SVOPL: variants seen among roughly 807,000 people sequenced by gnomAD.
SVOPL encodes putative transporter SVOPL.
SVOPL carries 60 observed loss-of-function variants against 61.0 expected under a neutral mutation model. That is an observed-to-expected ratio of 0.98 (90% CI 0.80 to 1.22). SVOPL has a LOEUF of 1.22. Ranked by LOEUF, SVOPL falls within the 50% of genes most tolerant of loss-of-function variation. The pLI is 0.00. For missense variants in SVOPL, 662 were observed against 643.9 expected (o/e 1.03, Z -0.30); for synonymous variants, 279 against 250.0 (o/e 1.12, Z -1.09).
At chr7:138,660,488 T>C in intron 5 of SVOPL, 1 of 986,076 alleles carries the variant, frequency 1.0e-6, no homozygotes, top group Non-Finnish European at 1.2e-6. Context: ...TTATCTTCTC[T>C]GTTTATGAGA....
At chr7:138,637,491 GATAT>G (rs1201179833) in intron 9 of SVOPL, among the ~76,000 whole-genome samples, 26 of 15,622 alleles carry the variant, frequency 1.7e-3, no homozygotes, top group African/African-American at 4.2e-3. Context: ...GATATAGATA[GATAT>G]ATATATATAT....
At chr7:138,633,712 T>A (rs1215675813) in intron 9 of SVOPL, among the ~76,000 whole-genome samples, 1 of 122,946 alleles carries the variant, frequency 8.1e-6, no homozygotes, top group East Asian at 2.6e-4. Context: ...CAGAAGAAAG[T>A]GAGAATACCT....
chr7:138,697,905 T>C (rs1048210996), intron 1 of SVOPL, among the ~76,000 whole-genome samples: 7 of 151,718 alleles, frequency 4.6e-5, no homozygotes, highest in African/African-American at 1.7e-4. Flanking sequence ...CAAGAGGACA[T>C]GTAAATTATA....
intron 14 of SVOPL, among the ~76,000 whole-genome samples, chr7:138,601,727 T>C (rs1245922609): frequency 6.6e-6 from 1 of 151,842 alleles, no homozygotes; most frequent in Non-Finnish European, 1.5e-5. Context: ...CATCCACTTT[T>C]AAATGTACAC....
At chr7:138,662,107 A>C in intron 5 of SVOPL, 1 of 985,272 alleles carries the variant, frequency 1.0e-6, no homozygotes, top group Middle Eastern at 5.2e-4. Flanking sequence ...AAACTCTCTC[A>C]TTTAAGAGCA....
At chr7:138,632,730 T>G (rs181726546) in intron 9 of SVOPL, among the ~76,000 whole-genome samples, 1,557 of 115,838 alleles carry the variant, frequency 0.013, 27 homozygotes, top group African/African-American at 0.047. Flanking sequence ...GGAGGGAGGA[T>G]GGGGGCGGGA....
At chr7:138,624,633 C>A (rs1344523891) in intron 13 of SVOPL, among the ~76,000 whole-genome samples, 1 of 151,906 alleles carries the variant, frequency 6.6e-6, no homozygotes, top group Non-Finnish European at 1.5e-5. Context: ...ATTGAGATAG[C>A]TGAGATTTTC....
At chr7:138,699,927 C>T (rs1481648094) in intron 1 of SVOPL, among the ~76,000 whole-genome samples, 5 of 152,306 alleles carry the variant, frequency 3.3e-5, no homozygotes, top group Admixed American at 1.3e-4. Context: ...AAGAAACAAA[C>T]GTACAGGTTT....
intron 14 of SVOPL, among the ~76,000 whole-genome samples, chr7:138,611,124 C>T (rs1798979928): frequency 1.3e-5 from 2 of 152,330 alleles, no homozygotes; most frequent in South Asian, 4.1e-4. Context: ...CGCCTGTAAT[C>T]CCAGCACTTT....
chr7:138,597,158 C>A, intron 14 of SVOPL: 1 of 1,288,002 alleles, frequency 7.8e-7, no homozygotes, highest in Non-Finnish European at 1.0e-6. Context: ...CCATCTCATA[C>A]TTTAGTTTCT....
intron 14 of SVOPL, chr7:138,597,156 T>G: frequency 7.8e-7 from 1 of 1,288,174 alleles, no homozygotes; most frequent in Non-Finnish European, 1.0e-6. Flanking sequence ...CTCCATCTCA[T>G]ACTTTAGTTT....
chr7:138,639,496 G>A (rs747637572), intron 9 of SVOPL, among the ~76,000 whole-genome samples: 40 of 148,744 alleles, frequency 2.7e-4, no homozygotes, highest in South Asian at 6.4e-4. Context: ...GCGTGGTGGC[G>A]GGTGCCTGTA....
chr7:138,645,239 A>AG (rs1801037075), intron 8 of SVOPL, among the ~76,000 whole-genome samples: 1 of 152,012 alleles, frequency 6.6e-6, no homozygotes, highest in South Asian at 2.1e-4. Flanking sequence ...TGACAGGAAC[A>AG]GGGGGCTCCA....
intron 9 of SVOPL, among the ~76,000 whole-genome samples, chr7:138,631,787 T>G (rs1800203903): frequency 6.6e-6 from 1 of 152,106 alleles, no homozygotes; most frequent in Non-Finnish European, 1.5e-5. Flanking sequence ...CAGGCTGGTC[T>G]CAAACTCCTG....
intron 14 of SVOPL, among the ~76,000 whole-genome samples, chr7:138,620,465 A>G (rs1799514759): frequency 1.4e-5 from 2 of 147,768 alleles, no homozygotes; most frequent in African/African-American, 2.5e-5. Flanking sequence ...AAAAAAAAAG[A>G]CTGACAAGTG....
chr7:138,651,704 G>A (rs114325773), intron 7 of SVOPL, among the ~76,000 whole-genome samples: 163 of 152,136 alleles, frequency 1.1e-3, no homozygotes, highest in African/African-American at 3.8e-3. Context: ...TTGTTTGGGG[G>A]CACCGCAAAC....
At chr7:138,656,772 G>A (rs1025221631) in intron 6 of SVOPL, among the ~76,000 whole-genome samples, 1 of 152,154 alleles carries the variant, frequency 6.6e-6, no homozygotes, top group Non-Finnish European at 1.5e-5. Flanking sequence ...GCCAGGTGTG[G>A]TGGCTCACAC....
At chr7:138,667,411 GATA>G (rs373012269) in intron 4 of SVOPL, among the ~76,000 whole-genome samples, 1 of 152,166 alleles carries the variant, frequency 6.6e-6, no homozygotes, top group African/African-American at 2.4e-5. Context: ...ATTTCACACT[GATA>G]ATGTTGATTG....
At chr7:138,615,907 T>C (rs1799277598) in intron 14 of SVOPL, among the ~76,000 whole-genome samples, 1 of 152,058 alleles carries the variant, frequency 6.6e-6, no homozygotes, top group African/African-American at 2.4e-5. Flanking sequence ...TCTTTCTGGA[T>C]GTGAGGACAC....
Sources: allele counts gnomAD v4.1 joint callset (sites outside exome capture counted in the v4.1 genomes callset), GRCh38; gene constraint gnomAD v4.1.1; transcripts MANE v1.5; gene names NCBI Gene and HGNC (gene_info 2026-07-23, HGNC 2026-07-21).